The following CDH13 variants were observed in gnomAD, a reference collection of about 807,000 sequenced individuals.
The protein encoded by CDH13 is cadherin-13.
CDH13 carries 24 observed loss-of-function variants against 63.8 expected under a neutral mutation model. That is an observed-to-expected ratio of 0.38 (90% CI 0.27 to 0.53). The LOEUF is 0.53. Ranked by LOEUF, CDH13 falls within the 20% of genes least tolerant of loss-of-function variation. CDH13 has a pLI of 0.85. For synonymous variants in CDH13, 503 were observed against 355.3 expected (o/e 1.42, Z -4.67); for missense variants, 1,049 against 903.1 (o/e 1.16, Z -2.07).
intron 3 of CDH13, among the ~76,000 whole-genome samples, chr16:83,044,225 C>T (rs921637184): frequency 1.3e-5 from 2 of 152,188 alleles, no homozygotes; most frequent in Non-Finnish European, 2.9e-5. Context: ...CATCATCCAT[C>T]AGTAAGTGGC....
intron 2 of CDH13, among the ~76,000 whole-genome samples, chr16:82,992,750 A>G (rs1911795833): frequency 6.6e-6 from 1 of 152,244 alleles, no homozygotes; most frequent in Admixed American, 6.5e-5. Flanking sequence ...ATTAAAGTCT[A>G]CTTTGAAATA....
intron 10 of CDH13, among the ~76,000 whole-genome samples, chr16:83,692,177 C>T (rs1258850993): frequency 6.6e-6 from 1 of 152,206 alleles, no homozygotes; most frequent in Non-Finnish European, 1.5e-5. Context: ...TTCTGTTTTT[C>T]AGAATAAAAT....
chr16:83,183,294 G>C (rs1441672649), intron 4 of CDH13, among the ~76,000 whole-genome samples: 1 of 152,212 alleles, frequency 6.6e-6, no homozygotes, highest in Non-Finnish European at 1.5e-5. Context: ...TGTCTGAAGA[G>C]CTCTTGTCTG....
intron 3 of CDH13, among the ~76,000 whole-genome samples, chr16:83,056,827 A>G (rs1439706271): frequency 6.6e-6 from 1 of 152,082 alleles, no homozygotes. Flanking sequence ...GGTTTTATAG[A>G]AGAGAGTTCC....
In CDH13 at chr16:83,426,966, G is replaced by T. The variant is rs191652750; in HGVS notation, c.782-59511G>T. On this transcript the variant is annotated intron_variant, in intron 6 of 13. Transcript: ENST00000567109. ...AAGACGGAGTCTCGCTTGCTCTGTC[G>T]CCCAGGCTAGAGTGCAGTGGCGTGA... Among the ~76,000 whole-genome samples, 4 of 115,050 alleles carry T rather than the reference G, an allele frequency of 3.5e-5. No homozygotes were observed. The South Asian group carries it at 9.0e-4, about 26-fold the overall frequency. The allele number at this position is 115,050 out of a possible 152,430, so 75.5% of individuals were successfully genotyped here.
At chr16:82,952,413 C>G (rs1199842021) in intron 2 of CDH13, among the ~76,000 whole-genome samples, 1 of 152,188 alleles carries the variant, frequency 6.6e-6, no homozygotes, top group Non-Finnish European at 1.5e-5. Flanking sequence ...TAATAGTAAG[C>G]TTTCAATGAG....
At chr16:83,443,237 G>T (rs943223025) in intron 6 of CDH13, among the ~76,000 whole-genome samples, 4 of 152,176 alleles carry the variant, frequency 2.6e-5, no homozygotes, top group South Asian at 2.1e-4. Flanking sequence ...TGGAGTTCTA[G>T]CTGCGTTTTT....
In CDH13 at chr16:82,874,453, C is replaced by T. The variant is rs534581642; in HGVS notation, c.157+15980C>T. On this transcript the variant is annotated intron_variant, in intron 2 of 13. Coordinates refer to ENST00000567109, the MANE Select transcript of CDH13 (RefSeq NM_001257.5). ...AAATGATGTCTTGGCAGGCCACCCC[C>T]GAGAAGTGGCCAAGTGCTGCACCAG... 7.2e-5 allele frequency among the ~76,000 whole-genome samples: 11 copies of T among 152,160 alleles called. No homozygotes were observed. In the South Asian group the frequency reaches 1.0e-3, roughly 14 times the overall value.
chr16:82,738,108 A>T (rs556200899), intron 1 of CDH13, among the ~76,000 whole-genome samples: 80 of 152,356 alleles, frequency 5.3e-4, no homozygotes, highest in Admixed American at 1.0e-3. Flanking sequence ...CTTGTCACAC[A>T]TTCGTTAGGT....
chr16:83,306,914 C>T (rs773945677), intron 5 of CDH13, among the ~76,000 whole-genome samples: 4 of 152,090 alleles, frequency 2.6e-5, no homozygotes, highest in Non-Finnish European at 4.4e-5. Flanking sequence ...CAGACCTATC[C>T]GTAAAGTTGT....
At position 83,175,067 on chromosome 16, in the gene CDH13, C is replaced by G. The variant is rs554847364; in HGVS notation, c.484-42278C>G. ...CCATGCTAGCCACATTTCAAATCAT[C>G]AGCTACGTATCGCTGGTGGCTATTA... On this transcript the variant is annotated intron_variant, in intron 4 of 13. Coordinates refer to ENST00000567109, the MANE Select transcript of CDH13 (RefSeq NM_001257.5). Among the ~76,000 whole-genome samples the G allele has an allele frequency of 6.6e-5, 10 of 152,178 alleles. No homozygotes were observed. The East Asian group carries it at 1.7e-3, about 26-fold the overall frequency.
chr16:82,727,924 A>G (rs1222982353), intron 1 of CDH13, among the ~76,000 whole-genome samples: 3 of 152,182 alleles, frequency 2.0e-5, no homozygotes, highest in South Asian at 4.1e-4. Flanking sequence ...TGTTCTGGAC[A>G]CAGCCCTGTG....
chr16:83,348,776 T>C lies in CDH13; in HGVS notation c.781+3770T>C, dbSNP rs115991174. Among the ~76,000 whole-genome samples, 823 of 152,290 alleles carry C rather than the reference T, an allele frequency of 5.4e-3. 8 individuals carry two copies. The highest frequency in any genetic ancestry group is 0.019 in the African/African-American group (791 of 41,546). Reference sequence around the variant, plus strand: ...GGATAGAATATAACAGTAGCTACCTTAGAGAAGTATATGTGAGGATTCAGT... The same window carrying C: ...GGATAGAATATAACAGTAGCTACCTCAGAGAAGTATATGTGAGGATTCAGT... On this transcript the variant is annotated intron_variant, in intron 6 of 13. Transcript: ENST00000567109.
At chr16:82,812,763 G>GTT (rs146407577) in intron 1 of CDH13, among the ~76,000 whole-genome samples, 1 of 150,122 alleles carries the variant, frequency 6.7e-6, no homozygotes, top group African/African-American at 2.4e-5. Flanking sequence ...AGAAAACAAA[G>GTT]TTTTTTTTTT....
rs1234164200 is a variant in CDH13, at chr16:82,787,661, A to G, written c.46-70701A>G. Among the ~76,000 whole-genome samples, 3 of 152,246 alleles carry G rather than the reference A, an allele frequency of 2.0e-5. No individual in the cohort carries two copies. The East Asian group carries it at 5.8e-4, about 29-fold the overall frequency. ...TGGACAGGTGGGACCTAGGTTGCCC[A>G]GAGAGGTGAATGGGCTTTCACAGGG... is the stretch of plus-strand genomic sequence containing the variant. On this transcript the variant is annotated intron_variant, in intron 1 of 13. Transcript: ENST00000567109.
At chr16:83,660,717 A>G (rs1241210633) in intron 8 of CDH13, among the ~76,000 whole-genome samples, 1 of 152,250 alleles carries the variant, frequency 6.6e-6, no homozygotes, top group Non-Finnish European at 1.5e-5. Flanking sequence ...TTGTTTCTTG[A>G]AAAGCCATTC....
intron 5 of CDH13, among the ~76,000 whole-genome samples, chr16:83,252,677 C>G (rs1567540579): frequency 6.6e-6 from 1 of 152,062 alleles, no homozygotes; most frequent in Non-Finnish European, 1.5e-5. Flanking sequence ...AAGGTGATTA[C>G]CTTCTTAGAA....
At chr16:83,125,713 C>T (rs73602301) in intron 4 of CDH13, among the ~76,000 whole-genome samples, 2,421 of 152,180 alleles carry the variant, frequency 0.016, 65 homozygotes, top group African/African-American at 0.055. Context: ...TTGAATATTA[C>T]GGGATCAACA....
chr16:83,757,762 C>T (rs370361713), intron 11 of CDH13, among the ~76,000 whole-genome samples: 13 of 152,092 alleles, frequency 8.5e-5, no homozygotes, highest in African/African-American at 1.4e-4. Context: ...ATATTATGAA[C>T]GGCATTATGC....
Sources: gnomAD v4.1 joint callset for allele counts (sites outside exome capture counted in the v4.1 genomes callset) on GRCh38, gnomAD v4.1.1 for gene constraint, MANE v1.5 for transcripts, NCBI Gene and HGNC (gene_info 2026-07-23, HGNC 2026-07-21) for gene names.